PCDH10: variants seen among roughly 807,000 people sequenced by gnomAD.
The protein encoded by PCDH10 is protocadherin 10.
A neutral mutation model predicts 74.4 loss-of-function variants in PCDH10; 15 were observed. The ratio of observed to expected loss-of-function variants is 0.20; its 90% confidence interval spans 0.13 to 0.31. The LOEUF is 0.31. Among genes scored for constraint, PCDH10 ranks in the 10% least tolerant of loss-of-function variants. The pLI, the probability that PCDH10 is intolerant of heterozygous loss-of-function variation, is 1.00. For missense variants in PCDH10, 1,260 were observed against 1,390.2 expected (o/e 0.91, Z 1.49); for synonymous variants, 619 against 589.8 (o/e 1.05, Z -0.72).
At position 133,192,541 on chromosome 4, in the gene PCDH10, TC is replaced by T. The variant is rs1174095111; in HGVS notation, c.*2383del. ...ACCTTTTATATCATTGTATATAATC[TC>T]CTTTGAACCAACTTTTTTATTATAT... On this transcript the variant is annotated 3_prime_UTR_variant, in exon 5 of 5. Transcript: ENST00000264360. 6.6e-6 allele frequency: 1 copy of T among 151,590 alleles called. No individual in the cohort carries two copies. Among genetic ancestry groups the T allele is most frequent in the Non-Finnish European group, 1.5e-5 (1 of 67,592 alleles). 9.4% of individuals were successfully genotyped at this position (151,590 alleles called of 1,614,324 possible).
intron 3 of PCDH10, 79 bp from the exon 4 acceptor site, chr4:133,162,898 C>A: frequency 8.3e-7 from 1 of 1,211,652 alleles, no homozygotes; most frequent in Non-Finnish European, 1.2e-6. Flanking sequence ...ACCCTTTATG[C>A]TACCTGTAAT....
chr4:133,160,984 C>T (rs1726958403), intron 3 of PCDH10, among the ~76,000 whole-genome samples: 1 of 152,030 alleles, frequency 6.6e-6, no homozygotes. Flanking sequence ...TAGCCTCTAC[C>T]TAGTTAGTAT....
At chr4:133,205,882 ATATTGATGACAGTT>A in intron 2 of PCDH10, among the ~76,000 whole-genome samples, 1 of 152,234 alleles carries the variant, frequency 6.6e-6, no homozygotes, top group Admixed American at 6.5e-5. Context: ...TTTATCCAAT[ATATTGATGACAGTT>A]TATTTTTCAT....
intron 2 of PCDH10, among the ~76,000 whole-genome samples, chr4:133,207,288 A>G (rs1340670792): frequency 6.6e-6 from 1 of 152,238 alleles, no homozygotes; most frequent in African/African-American, 2.4e-5. Flanking sequence ...ATATTACTCT[A>G]TTTTGAATAG....
chr4:133,196,781 T>C (rs894401537), downstream of PCDH10, among the ~76,000 whole-genome samples: 2 of 152,186 alleles, frequency 1.3e-5, no homozygotes, highest in African/African-American at 4.8e-5. Flanking sequence ...CAAGATGGAG[T>C]TGGCTAGTTC....
chr4:133,184,827 A>C (rs1039796371), intron 4 of PCDH10, among the ~76,000 whole-genome samples: 5 of 144,800 alleles, frequency 3.5e-5, no homozygotes, highest in African/African-American at 1.3e-4. Context: ...TTTACACATG[A>C]GAACTACCTT....
chr4:133,184,033 A>G (rs1252681722), intron 4 of PCDH10, among the ~76,000 whole-genome samples: 1 of 152,156 alleles, frequency 6.6e-6, no homozygotes, highest in African/African-American at 2.4e-5. Context: ...TATTCAATAT[A>G]CACATAAATT....
In PCDH10 at chr4:133,188,125, T is replaced by C. The variant is rs545532322; in HGVS notation, c.3104-2016T>C. 2.0e-5 allele frequency among the ~76,000 whole-genome samples: 3 copies of C among 152,242 alleles called. No homozygotes were observed. The South Asian group carries it at 6.2e-4, about 32-fold the overall frequency. ...ACAGGAAAGGCCCCAACCCAGCTTA[T>C]TTTGAAAGGAGTAATATTATTTGTC... On this transcript the variant is annotated intron_variant, in intron 4 of 4. Transcript: ENST00000264360.
In PCDH10 at chr4:133,173,636, G is replaced by T. The variant is rs193075931; in HGVS notation, c.3103+10354G>T. On this transcript the variant is annotated intron_variant, in intron 4 of 4. Transcript: ENST00000264360. ...AAGAAGAGACAATTGAAAAAGCATT[G>T]GTTTCATTTCCCTCCCTTCCTGTTT... is the stretch of plus-strand genomic sequence containing the variant. 3.5e-3 allele frequency among the ~76,000 whole-genome samples: 533 copies of T among 151,666 alleles called. 6 individuals carry two copies. The highest frequency in any genetic ancestry group is 5.1e-3 in the Non-Finnish European group (347 of 67,738).
In PCDH10 at chr4:133,150,381, C is replaced by G; in HGVS notation, c.241C>G (p.Arg81Gly). 1 of 1,613,862 alleles carries G rather than the reference C, an allele frequency of 6.2e-7. No homozygotes were observed. Among genetic ancestry groups the G allele is most frequent in the Non-Finnish European group, 8.5e-7 (1 of 1,179,954 alleles). Residue 81 changes from arginine (R) to glycine (G), a missense_variant, in exon 1 of 5, where the codon CGC becomes GGC. This residue lies in a region of PCDH10 where 63 missense variants were observed against 100.7 expected (regional missense o/e 0.63). Transcript: ENST00000264360. ...GCTGTACGTGAACGAGAAAATAGACCGCGAACAAATCTGCAAACAGAGCCC... is the reference window on the plus strand; with the variant it reads ...GCTGTACGTGAACGAGAAAATAGACGGCGAACAAATCTGCAAACAGAGCCC... ...GVLYVNEKID[R>G]EQICKQSPSC...
At position 133,152,729 on chromosome 4, in the gene PCDH10, G is replaced by A; in HGVS notation, c.2589G>A (p.Gln863=). The change falls in exon 1 of 5, where the codon CAG becomes CAA. Residue 863 remains glutamine, a synonymous_variant. Coordinates refer to ENST00000264360, the MANE Select transcript of PCDH10 (RefSeq NM_032961.3). ...CCATCGTCACCGGTTACACCGACCAGCAGCCTGATATCATCTCCAACGGAA... is the reference window on the plus strand; with the variant it reads ...CCATCGTCACCGGTTACACCGACCAACAGCCTGATATCATCTCCAACGGAA... The part of the protein sequence containing the change: ...CGAIVTGYTD[Q]QPDIISNGSI... The A allele has an allele frequency of 6.2e-7, 1 of 1,614,228 alleles. No homozygotes were observed. The highest frequency in any genetic ancestry group is 8.5e-7 in the Non-Finnish European group (1 of 1,180,046).
chr4:133,156,358 G>A (rs2125860783), intron 3 of PCDH10, among the ~76,000 whole-genome samples: 1 of 152,334 alleles, frequency 6.6e-6, no homozygotes, highest in Non-Finnish European at 1.5e-5. Flanking sequence ...TAATATGCAG[G>A]CCTAATGAGA....
intron 3 of PCDH10, among the ~76,000 whole-genome samples, chr4:133,156,961 A>C (rs1034205576): frequency 3.3e-5 from 5 of 152,330 alleles, no homozygotes; most frequent in African/African-American, 1.2e-4. Context: ...TGGAGATGTC[A>C]AAGCATTTAA....
At chr4:133,171,274 T>G (rs140869113) in intron 4 of PCDH10, among the ~76,000 whole-genome samples, 25 of 152,304 alleles carry the variant, frequency 1.6e-4, no homozygotes, top group Admixed American at 1.3e-3. Flanking sequence ...TTAAGGCTCA[T>G]CTATATGTCA....
At chr4:133,156,531 G>A (rs1028549625) in intron 3 of PCDH10, among the ~76,000 whole-genome samples, 1 of 152,168 alleles carries the variant, frequency 6.6e-6, no homozygotes. Flanking sequence ...CCTATATATG[G>A]CATATGATTT....
At chr4:133,200,052 C>A (rs2125877252) in intron 2 of PCDH10, among the ~76,000 whole-genome samples, 1 of 151,624 alleles carries the variant, frequency 6.6e-6, no homozygotes, top group Non-Finnish European at 1.5e-5. Context: ...CCCACCTCAG[C>A]CTCCCAAAGT....
chr4:133,191,349 C>T lies in PCDH10; in HGVS notation c.*1189C>T, dbSNP rs1159840286. Reference sequence around the variant, plus strand: ...TGAATATATAGAGATATAGAAACATCTGAACTGGTAAAGAATAACTATAAA... The same window carrying T: ...TGAATATATAGAGATATAGAAACATTTGAACTGGTAAAGAATAACTATAAA... On this transcript the variant is annotated 3_prime_UTR_variant, in exon 5 of 5. Coordinates refer to ENST00000264360, the MANE Select transcript of PCDH10 (RefSeq NM_032961.3). 2 of 151,878 alleles carry T rather than the reference C, an allele frequency of 1.3e-5. No homozygotes were observed. The highest frequency in any genetic ancestry group is 3.0e-5 in the Non-Finnish European group (2 of 67,726). The allele number at this position is 151,878 out of a possible 1,614,324, so 9.4% of individuals were successfully genotyped here. A position where few individuals can be genotyped will look rare whatever the true frequency, so the allele number is the denominator to read the frequency against.
intron 4 of PCDH10, among the ~76,000 whole-genome samples, chr4:133,172,720 T>TA (rs759842084): frequency 6.6e-6 from 1 of 151,992 alleles, no homozygotes; most frequent in Non-Finnish European, 1.5e-5. Context: ...TGAGTTCCAC[T>TA]AAAATTTAAC....
At chr4:133,207,944 A>G (rs2125879701) in intron 2 of PCDH10, 1 of 152,236 alleles carries the variant, frequency 6.6e-6, no homozygotes, top group Non-Finnish European at 1.5e-5. Flanking sequence ...GGATTAGTAA[A>G]CCACCTCTAA....
Sources: allele counts gnomAD v4.1 joint callset (sites outside exome capture counted in the v4.1 genomes callset), GRCh38; gene constraint gnomAD v4.1.1; regional missense constraint gnomAD v4.1.1; transcripts MANE v1.5; gene names NCBI Gene and HGNC (gene_info 2026-07-23, HGNC 2026-07-21).